The following LUZP2 variants were observed in gnomAD, a reference collection of about 807,000 sequenced individuals.
LUZP2 encodes the protein leucine zipper protein 2.
A neutral mutation model predicts 51.6 loss-of-function variants in LUZP2; 52 were observed. The observed-to-expected ratio is 1.01, with a 90% CI of 0.81 to 1.27. LUZP2 has a LOEUF of 1.27. Ranked by LOEUF, LUZP2 falls within the 50% of genes most tolerant of loss-of-function variation. The probability of loss-of-function intolerance (pLI) is 0.00; values close to 1 mark genes in which losing one functional copy is unlikely to be tolerated. For missense variants in LUZP2, 436 were observed against 395.4 expected, an observed-to-expected ratio of 1.10 and a Z score of -0.87; for synonymous variants, 154 against 137.3, an observed-to-expected ratio of 1.12 and a Z score of -0.85.
chr11:24,661,496 G>C (rs772033222), intron 1 of LUZP2, among the ~76,000 whole-genome samples: 3 of 152,142 alleles, frequency 2.0e-5, no homozygotes, highest in Non-Finnish European at 4.4e-5. Flanking sequence ...ATCAGATGTT[G>C]CACTTGCACA....
intron 9 of LUZP2, among the ~76,000 whole-genome samples, chr11:25,006,314 A>C (rs1444062433): frequency 3.3e-5 from 5 of 152,180 alleles, no homozygotes; most frequent in Non-Finnish European, 7.3e-5. Context: ...GCCAAGGGTC[A>C]GGATAGATAG....
intron 9 of LUZP2, among the ~76,000 whole-genome samples, chr11:25,008,442 G>T (rs1212950044): frequency 5.9e-5 from 9 of 152,178 alleles, no homozygotes; most frequent in African/African-American, 2.2e-4. Flanking sequence ...GTTCCAGCTT[G>T]TTTGTGTTAC....
At chr11:24,685,618 G>T (rs1319886984) in intron 1 of LUZP2, among the ~76,000 whole-genome samples, 2 of 152,094 alleles carry the variant, frequency 1.3e-5, no homozygotes, top group African/African-American at 4.8e-5. Context: ...GCCCAACAAA[G>T]CCTACTTGGG....
chr11:24,918,713 T>A (rs1365214816), intron 7 of LUZP2, among the ~76,000 whole-genome samples: 1 of 151,194 alleles, frequency 6.6e-6, no homozygotes, highest in Non-Finnish European at 1.5e-5. Context: ...AAAGCCAAAC[T>A]TAAAATCCCG....
At chr11:24,714,874 A>G (rs776433183) in intron 1 of LUZP2, among the ~76,000 whole-genome samples, 5 of 152,168 alleles carry the variant, frequency 3.3e-5, no homozygotes, top group Non-Finnish European at 7.3e-5. Context: ...AGAGAGACTG[A>G]CACAGAAAGC....
At chr11:24,685,868 A>G (rs1316681561) in intron 1 of LUZP2, among the ~76,000 whole-genome samples, 1 of 152,218 alleles carries the variant, frequency 6.6e-6, no homozygotes, top group Non-Finnish European at 1.5e-5. Flanking sequence ...TTCCTAAGAA[A>G]TTTAATTGTG....
intron 5 of LUZP2, among the ~76,000 whole-genome samples, chr11:24,886,103 T>A (rs2134308490): frequency 6.6e-6 from 1 of 152,304 alleles, no homozygotes; most frequent in South Asian, 2.1e-4. Context: ...ATTCTATATC[T>A]TTCTGTAAAA....
At chr11:24,892,889 A>C (rs1186130600) in intron 5 of LUZP2, 2 of 152,164 alleles carry the variant, frequency 1.3e-5, no homozygotes, top group Non-Finnish European at 2.9e-5. Context: ...CTTGACACTA[A>C]ATGATGTTTT....
intron 1 of LUZP2, among the ~76,000 whole-genome samples, chr11:24,614,745 C>A (rs896902033): frequency 1.1e-4 from 17 of 152,110 alleles, no homozygotes; most frequent in African/African-American, 4.1e-4. Flanking sequence ...ACCTGACCCA[C>A]CTTAAAGTAG....
At chr11:24,747,161 T>C (rs1462600531) in intron 4 of LUZP2, among the ~76,000 whole-genome samples, 1 of 152,174 alleles carries the variant, frequency 6.6e-6, no homozygotes, top group East Asian at 1.9e-4. Context: ...TCTGGTTCCT[T>C]CTCATTTGTT....
At chr11:24,616,240 A>C (rs1334715643) in intron 1 of LUZP2, among the ~76,000 whole-genome samples, 1 of 151,698 alleles carries the variant, frequency 6.6e-6, no homozygotes, top group African/African-American at 2.4e-5. Context: ...TCTTTTATGG[A>C]TAATAGTTTT....
intron 1 of LUZP2, among the ~76,000 whole-genome samples, chr11:24,720,298 C>G (rs971302040): frequency 2.0e-5 from 3 of 151,268 alleles, no homozygotes; most frequent in Admixed American, 6.6e-5. Flanking sequence ...ACTTAGATAC[C>G]AAGCTTTACA....
At chr11:25,049,612 A>G (rs1370036748) in intron 9 of LUZP2, among the ~76,000 whole-genome samples, 2 of 152,134 alleles carry the variant, frequency 1.3e-5, no homozygotes, top group African/African-American at 4.8e-5. Flanking sequence ...ATGAAGTGTT[A>G]CGAATCATTT....
In LUZP2 at chr11:25,078,683, G is replaced by A. The variant is rs10500994; in HGVS notation, c.*25G>A. On this transcript the variant is annotated 3_prime_UTR_variant, in exon 12 of 12. Transcript: ENST00000336930. ...AATACTAAGAAACTGTGTTAAAAAC[G>A]TCCATTTGCTATTGTCTTCATATTC... 0.42 allele frequency: 630,311 copies of A among 1,511,156 alleles called. 139,131 individuals carry two copies. Among genetic ancestry groups the A allele is most frequent in the East Asian group, 0.79 (34,667 of 44,108 alleles). 93.6% of individuals were successfully genotyped at this position (1,511,156 alleles called of 1,614,324 possible). A position where few individuals can be genotyped will look rare whatever the true frequency, so the allele number is the denominator to read the frequency against.
At chr11:24,626,700 G>T (rs1286336590) in intron 1 of LUZP2, among the ~76,000 whole-genome samples, 1 of 152,114 alleles carries the variant, frequency 6.6e-6, no homozygotes, top group East Asian at 1.9e-4. Flanking sequence ...AACTCTGTGG[G>T]CTAACATAAC....
chr11:24,889,366 T>C (rs1423780879), intron 5 of LUZP2, among the ~76,000 whole-genome samples: 2 of 152,158 alleles, frequency 1.3e-5, no homozygotes, highest in African/African-American at 4.8e-5. Flanking sequence ...GAGGAGGTGA[T>C]GCAAACGACA....
chr11:24,810,310 G>A lies in LUZP2; in HGVS notation c.396+47002G>A, dbSNP rs115737963. 3.1e-3 allele frequency among the ~76,000 whole-genome samples: 477 copies of A among 152,166 alleles called. 3 individuals are homozygous for A. Among genetic ancestry groups the A allele is most frequent in the African/African-American group, 0.011 (459 of 41,520 alleles). On this transcript the variant is annotated intron_variant, in intron 5 of 11. Coordinates refer to ENST00000336930, the MANE Select transcript of LUZP2 (RefSeq NM_001009909.4). Reference sequence around the variant, plus strand: ...CTGTCATATTTAGCATATAAGTTGAGCCATAGAATATTGCCATTTTTGTAA... The same window carrying A: ...CTGTCATATTTAGCATATAAGTTGAACCATAGAATATTGCCATTTTTGTAA...
Position 24,882,913 on chromosome 11 carries a change from GAAGA to G in LUZP2, c.397-23068_397-23065del, listed in dbSNP as rs1348941326. ...GGAAAGAAAAAGAAAGAGAAAGAAA[GAAGA>G]AAGAAAGAACGAAAGAAAGAAAGAG... On this transcript the variant is annotated intron_variant, in intron 5 of 11. Transcript: ENST00000336930. Among the ~76,000 whole-genome samples the G allele has an allele frequency of 1.7e-4, 24 of 138,836 alleles. No individual in the cohort carries two copies. The South Asian group carries it at 4.7e-3, about 27-fold the overall frequency. The allele number at this position is 138,836 out of a possible 152,430, so 91.1% of individuals were successfully genotyped here.
At chr11:25,062,187 A>G (rs1858859679) in intron 10 of LUZP2, among the ~76,000 whole-genome samples, 1 of 148,960 alleles carries the variant, frequency 6.7e-6, no homozygotes, top group East Asian at 1.9e-4. Flanking sequence ...GGAGGAAGGG[A>G]GAGAGAGAGA....
Sources: allele counts gnomAD v4.1 joint callset (sites outside exome capture counted in the v4.1 genomes callset), GRCh38; gene constraint gnomAD v4.1.1; transcripts MANE v1.5; gene names NCBI Gene and HGNC (gene_info 2026-07-23, HGNC 2026-07-21).